Variants in TRANK1 observed in about 807,000 individuals in gnomAD.
TRANK1 encodes the protein TPR and ankyrin repeat-containing protein 1.
A neutral mutation model predicts 266.0 loss-of-function variants in TRANK1; 198 were observed. That is an observed-to-expected ratio of 0.74 (90% confidence interval 0.66 to 0.84). The LOEUF (loss-of-function observed/expected upper bound fraction) is 0.84, where lower values mean the gene tolerates loss of function less well. TRANK1 is among the 40% of genes least tolerant of loss of function. The pLI, the probability that TRANK1 is intolerant of heterozygous loss-of-function variation, is 0.00. For missense variants in TRANK1, 3,326 were observed against 3,634.6 expected, an observed-to-expected ratio of 0.92 and a Z score of 2.18; for synonymous variants, 1,396 against 1,384.1, an observed-to-expected ratio of 1.01 and a Z score of -0.19.
chr3:36,927,336 T>C (rs1294873163), intron 1 of TRANK1, among the ~76,000 whole-genome samples: 1 of 152,230 alleles, frequency 6.6e-6, no homozygotes, highest in Non-Finnish European at 1.5e-5. Flanking sequence ...GAAGTCAGGC[T>C]GGCAGGACCA....
intron 8 of TRANK1, among the ~76,000 whole-genome samples, chr3:36,879,580 A>C (rs1429806313): frequency 9.0e-6 from 1 of 111,664 alleles, no homozygotes; most frequent in Non-Finnish European, 1.7e-5. Context: ...ATAAATATAT[A>C]TAAATATACA....
chr3:36,858,122 G>C, intron 12 of TRANK1, 73 bp from the exon 13 acceptor site: 3 of 1,275,082 alleles, frequency 2.4e-6, no homozygotes, highest in Non-Finnish European at 3.2e-6. Flanking sequence ...TGGGGTTTGA[G>C]AGTGATGCCA....
chr3:36,852,775 T>TAAAAAA (rs761417309), intron 13 of TRANK1, among the ~76,000 whole-genome samples: 2 of 120,222 alleles, frequency 1.7e-5, no homozygotes, highest in African/African-American at 6.5e-5. Flanking sequence ...CCATCTCAAT[T>TAAAAAA]AAAAAAAAAA....
chr3:36,850,637 G>T, intron 15 of TRANK1: 2 of 791,472 alleles, frequency 2.5e-6, no homozygotes, highest in Non-Finnish European at 3.1e-6. Flanking sequence ...AAAATAGAAT[G>T]AGAGTAATAA....
intron 1 of TRANK1, among the ~76,000 whole-genome samples, chr3:36,940,097 G>A (rs2125672527): frequency 6.6e-6 from 1 of 151,566 alleles, no homozygotes; most frequent in African/African-American, 2.4e-5. Context: ...TCACCGTGTT[G>A]GCCAGGCTGG....
chr3:36,927,490 T>C (rs547758582), intron 1 of TRANK1, among the ~76,000 whole-genome samples: 22 of 152,342 alleles, frequency 1.4e-4, no homozygotes, highest in African/African-American at 5.0e-4. Flanking sequence ...CACTGCAACC[T>C]TGGTGTTTTA....
chr3:36,944,730 AG>A, intron 1 of TRANK1, 56 bp downstream of exon 1: 1 of 1,494,748 alleles, frequency 6.7e-7, no homozygotes, highest in Non-Finnish European at 8.9e-7. Flanking sequence ...CCCGCCAGGA[AG>A]GGTGGCGGGC....
rs774312816 is a variant in TRANK1 at position 36,832,926 on chromosome 3, C to T, written c.6657G>A (p.Lys2219=). 1.9e-6 allele frequency: 3 copies of T among 1,613,338 alleles called. No individual in the cohort carries two copies. Among genetic ancestry groups the T allele is most frequent in the East Asian group, 2.2e-5 (1 of 44,880 alleles). Residue 2219 remains lysine (K), a synonymous_variant, in exon 22 of 24, where the codon AAG becomes AAA. Coordinates refer to ENST00000645898, the MANE Select transcript of TRANK1 (RefSeq NM_001329998.2). The stretch of plus-strand genomic sequence containing the variant: ...AGTTCATTTTCGACTGAACTAAACA[C>T]TTGGCTTCACAACGCCGCAGAGGCC... ...FHRPLRRCEA[K]CLVQSKMNLV...
At position 36,852,313 on chromosome 3, in the gene TRANK1, A is replaced by T; in HGVS notation, c.4582T>A (p.Leu1528Ile). 6.3e-7 allele frequency: 1 copy of T among 1,598,620 alleles called. No individual in the cohort carries two copies. Among genetic ancestry groups the T allele is most frequent in the South Asian group, 1.1e-5 (1 of 87,384 alleles). The part of the protein sequence containing the change: ...ILNLASGVVD[L>I]LQFYFPESFD... ...GATTCTGGGAAATAGAACTGAAGTA[A>T]ATCCACCACTCCAGATGCCAGATTG... The change falls in exon 14 of 24, where the codon TTA (leucine) becomes ATA (isoleucine). Residue 1528 changes from leucine to isoleucine, a missense_variant. Leu to Ile is a conservative substitution (Grantham distance 5, BLOSUM62 2). Coordinates refer to ENST00000645898, the MANE Select transcript of TRANK1 (RefSeq NM_001329998.2).
intron 1 of TRANK1, among the ~76,000 whole-genome samples, chr3:36,925,151 T>C (rs1284988907): frequency 6.6e-6 from 1 of 152,172 alleles, no homozygotes; most frequent in African/African-American, 2.4e-5. Context: ...CTCTGTTCCT[T>C]TCTTTTTTCT....
At chr3:36,858,073 G>A (rs755324117) in intron 12 of TRANK1, 24 bp from the exon 13 acceptor site, 30 of 1,488,282 alleles carry the variant, frequency 2.0e-5, no homozygotes, top group Non-Finnish European at 2.7e-5. Flanking sequence ...ACAAAACCCT[G>A]TGAGCACTGA....
rs529908590 is a variant in TRANK1, at chr3:36,901,722, G to A, written c.282+1427C>T. ...TGTAGAGGACAATTGCGGTGGGGAAGGGGAGAGAGGATGGAGAGAGACTCC... is the reference window on the plus strand; with the variant it reads ...TGTAGAGGACAATTGCGGTGGGGAAAGGGAGAGAGGATGGAGAGAGACTCC... On this transcript the variant is annotated intron_variant, in intron 3 of 23. Transcript: ENST00000645898. Among the ~76,000 whole-genome samples the A allele has an allele frequency of 1.1e-3, 161 of 152,282 alleles. 1 individual carries two copies. Among genetic ancestry groups the A allele is most frequent in the Non-Finnish European group, 1.2e-3 (80 of 68,014 alleles).
chr3:36,879,627 A>C (rs897749185), intron 8 of TRANK1, among the ~76,000 whole-genome samples: 1 of 72,778 alleles, frequency 1.4e-5, no homozygotes, highest in African/African-American at 8.3e-5. Flanking sequence ...AATATATATA[A>C]ATATATATAA....
At chr3:36,923,242 A>T (rs943917018) in intron 1 of TRANK1, among the ~76,000 whole-genome samples, 9 of 143,822 alleles carry the variant, frequency 6.3e-5, no homozygotes, top group African/African-American at 2.3e-4. Flanking sequence ...CTCCACCTAC[A>T]ACTGTCTTGG....
intron 1 of TRANK1, among the ~76,000 whole-genome samples, chr3:36,918,288 G>A (rs1048234052): frequency 1.8e-4 from 28 of 151,816 alleles, no homozygotes; most frequent in African/African-American, 6.8e-4. Context: ...AATGAATATG[G>A]AGTTTCAGTT....
intron 4 of TRANK1, among the ~76,000 whole-genome samples, chr3:36,898,806 G>A (rs917318827): frequency 7.4e-5 from 11 of 148,618 alleles, no homozygotes; most frequent in African/African-American, 1.8e-4. Context: ...AGCCAAGATC[G>A]CATCACTGCA....
chr3:36,833,192 G>C lies in TRANK1; in HGVS notation c.6391C>G (p.Gln2131Glu). The change falls in exon 22 of 24, where the codon CAG (glutamine) becomes GAG (glutamate). Residue 2131 changes from glutamine to glutamate, a missense_variant. Transcript: ENST00000645898. Reference sequence around the variant, plus strand: ...CTTAATATGGGCCCAGGGTCATTCTGAGCTATCTGGCAATACTTGGCATCC... The same window carrying C: ...CTTAATATGGGCCCAGGGTCATTCTCAGCTATCTGGCAATACTTGGCATCC... ...QVDAKYCQIA[Q>E]NDPGPILRII... 6.2e-7 allele frequency: 1 copy of C among 1,613,874 alleles called. No individual in the cohort carries two copies. The highest frequency in any genetic ancestry group is 8.5e-7 in the Non-Finnish European group (1 of 1,179,858).
chr3:36,933,437 G>C (rs552599369), intron 1 of TRANK1, among the ~76,000 whole-genome samples: 37 of 152,262 alleles, frequency 2.4e-4, no homozygotes, highest in Non-Finnish European at 4.4e-4. Context: ...CAACAAAAGT[G>C]AGATGATTGG....
chr3:36,890,158 G>A (rs1314880997), intron 7 of TRANK1, among the ~76,000 whole-genome samples, 198 bp from the exon 8 acceptor site: 2 of 152,180 alleles, frequency 1.3e-5, no homozygotes, highest in Non-Finnish European at 2.9e-5. Context: ...AGATGCAGGC[G>A]TTTGTCAAGT....
Sources: gnomAD v4.1 joint callset for allele counts (sites outside exome capture counted in the v4.1 genomes callset) on GRCh38, gnomAD v4.1.1 for gene constraint, MANE v1.5 for transcripts, NCBI Gene and HGNC (gene_info 2026-07-23, HGNC 2026-07-21) for gene names.